Variants in CPNE1 observed in about 807,000 individuals in gnomAD.
The protein encoded by CPNE1 is copine 1.
A neutral mutation model predicts 63.2 loss-of-function variants in CPNE1; 58 were observed. The observed-to-expected ratio is 0.92, with a 90% CI of 0.74 to 1.14. CPNE1 has a LOEUF of 1.14. CPNE1 is among the 50% of genes most tolerant of loss of function. The pLI, the probability that CPNE1 is intolerant of heterozygous loss-of-function variation, is 0.00. For synonymous variants in CPNE1, 237 were observed against 249.0 expected (o/e 0.95, Z 0.45); for missense variants, 672 against 661.7 (o/e 1.02, Z -0.17).
intron 1 of CPNE1, among the ~76,000 whole-genome samples, chr20:35,640,579 ATGT>A (rs1454984177): frequency 1.3e-5 from 2 of 152,140 alleles, no homozygotes; most frequent in African/African-American, 4.8e-5. Flanking sequence ...CCTATCTGTT[ATGT>A]TGAAGTCACA....
intron 1 of CPNE1, chr20:35,658,800 AAAAC>A (rs1276234160): frequency 2.4e-4 from 117 of 481,406 alleles, no homozygotes; most frequent in Non-Finnish European, 3.4e-4. Context: ...CAAGCAAACA[AAAAC>A]ACACACACAC....
rs758020766 is a variant in CPNE1, at chr20:35,632,896, G to A, written c.28C>T (p.Leu10=). Residue 10 remains leucine (L), a synonymous_variant, in exon 2 of 16, where the codon CTG becomes TTG. Transcript: ENST00000397443. ...ATGAGATGGTCACAGGAAATGGACA[G>A]CTGAACCAAGGTCACGCAGTGGGCC... MAHCVTLVQ[L]SISCDHLIDK... 3.4e-6 allele frequency: 3 copies of A among 872,922 alleles called. No individual in the cohort carries two copies. The highest frequency in any genetic ancestry group is 1.7e-5 in the Admixed American group (1 of 59,186). The allele number at this position is 872,922 out of a possible 1,614,324, so 54.1% of individuals were successfully genotyped here.
At chr20:35,663,202 C>A (rs964471275) in intron 1 of CPNE1, among the ~76,000 whole-genome samples, 1 of 152,162 alleles carries the variant, frequency 6.6e-6, no homozygotes, top group African/African-American at 2.4e-5. Flanking sequence ...CCATTCTTAT[C>A]AAAACTGCCA....
At chr20:35,655,145 T>C in intron 1 of CPNE1, 1 of 1,614,224 alleles carries the variant, frequency 6.2e-7, no homozygotes. Context: ...GTACCACCTG[T>C]GCGCATCATA....
chr20:35,652,252 G>GCAAA (rs1417526410), intron 1 of CPNE1: 2 of 319,896 alleles, frequency 6.3e-6, no homozygotes, highest in Non-Finnish European at 1.2e-5. Flanking sequence ...TAAGCTTTAT[G>GCAAA]TGGTCATTTG....
intron 1 of CPNE1, among the ~76,000 whole-genome samples, chr20:35,657,572 A>G (rs1048634551): frequency 3.3e-5 from 5 of 152,212 alleles, no homozygotes; most frequent in African/African-American, 9.6e-5. Flanking sequence ...TACACAGTTA[A>G]GTCTTCAAGC....
chr20:35,626,481 A>C (rs536110762), intron 15 of CPNE1, 86 bp downstream of exon 15: 1 of 1,589,366 alleles, frequency 6.3e-7, no homozygotes, highest in East Asian at 2.2e-5. Context: ...TTAGAGGAAA[A>C]GGTGAGCATC....
At position 35,647,016 on chromosome 20, in the gene CPNE1, T is replaced by TA. The variant is rs199596637; in HGVS notation, c.1-14094dup. ...ATGCCCTAACCTTTAACATTTTAAT[T>TA]AAAAAAAAATAGGGCCGGGCATGGT... On this transcript the variant is annotated intron_variant, in intron 1 of 15. Transcript: ENST00000397443. 2.5e-3 allele frequency among the ~76,000 whole-genome samples: 380 copies of TA among 150,614 alleles called. 2 individuals are homozygous for TA. Among genetic ancestry groups the TA allele is most frequent in the African/African-American group, 8.2e-3 (338 of 41,076 alleles).
chr20:35,646,772 TTGAC>T (rs1362644882), intron 1 of CPNE1, among the ~76,000 whole-genome samples: 1 of 152,182 alleles, frequency 6.6e-6, no homozygotes, highest in Admixed American at 6.5e-5. Context: ...CTCAACACCT[TTGAC>T]TGTTCATACT....
At chr20:35,649,862 A>AT (rs2033382618) in intron 1 of CPNE1, 1 of 152,302 alleles carries the variant, frequency 6.6e-6, no homozygotes, top group Admixed American at 6.5e-5. Flanking sequence ...AAATTTACAC[A>AT]TAAAATTGAA....
intron 3 of CPNE1, 53 bp from the exon 4 acceptor site, chr20:35,632,438 G>C (rs1353790287): frequency 1.9e-6 from 3 of 1,605,514 alleles, no homozygotes; most frequent in Non-Finnish European, 2.6e-6. Context: ...GTTAGGTCCT[G>C]CTTGCCCCCT....
At position 35,654,860 on chromosome 20, in the gene CPNE1, C is replaced by T. The variant is rs146169701; in HGVS notation, c.-1+9900G>A. Reference sequence around the variant, plus strand: ...CCCATATTTGGAGGAGCTGTTCCTACGCTGGCTGTGGAAAATGTCTGTATG... The same window carrying T: ...CCCATATTTGGAGGAGCTGTTCCTATGCTGGCTGTGGAAAATGTCTGTATG... On this transcript the variant is annotated intron_variant, in intron 1 of 15. Transcript: ENST00000397443. 103 of 1,614,028 alleles carry T rather than the reference C, an allele frequency of 6.4e-5. No homozygotes were observed. The highest frequency in any genetic ancestry group is 7.9e-5 in the Non-Finnish European group (93 of 1,180,018).
chr20:35,635,904 C>T (rs1484140959), intron 1 of CPNE1, among the ~76,000 whole-genome samples: 2 of 152,174 alleles, frequency 1.3e-5, no homozygotes, highest in Admixed American at 6.5e-5. Flanking sequence ...CACCCTGGCC[C>T]CTGCATGAAC....
chr20:35,656,274 T>C (rs908495541), intron 1 of CPNE1, among the ~76,000 whole-genome samples: 6 of 152,128 alleles, frequency 3.9e-5, no homozygotes, highest in Non-Finnish European at 8.8e-5. Context: ...TACTCAGTGG[T>C]TGTTACAGTC....
chr20:35,664,385 C>A (rs1475736234), intron 1 of CPNE1: 1 of 152,258 alleles, frequency 6.6e-6, no homozygotes, highest in East Asian at 1.9e-4. Flanking sequence ...GTAGTTATAA[C>A]CTCTGCTTCA....
chr20:35,655,422 T>C, intron 1 of CPNE1: 2 of 1,256,994 alleles, frequency 1.6e-6, no homozygotes, highest in Non-Finnish European at 2.2e-6. Context: ...AATGACCAGC[T>C]ACCATATTAG....
At chr20:35,635,765 C>T (rs1210583005) in intron 1 of CPNE1, among the ~76,000 whole-genome samples, 1 of 152,202 alleles carries the variant, frequency 6.6e-6, no homozygotes, top group African/African-American at 2.4e-5. Context: ...TACTGATCCT[C>T]AGTCAATCGC....
chr20:35,664,356 C>T (rs939219660), intron 1 of CPNE1: 1 of 152,272 alleles, frequency 6.6e-6, no homozygotes, highest in African/African-American at 2.4e-5. Flanking sequence ...ATTATCTCCC[C>T]ACCTCCAGGC....
chr20:35,655,421 C>T, intron 1 of CPNE1: 1 of 1,266,428 alleles, frequency 7.9e-7, no homozygotes, highest in Non-Finnish European at 1.1e-6. Flanking sequence ...GAATGACCAG[C>T]TACCATATTA....
Sources: gnomAD v4.1 joint callset for allele counts (sites outside exome capture counted in the v4.1 genomes callset) on GRCh38, gnomAD v4.1.1 for gene constraint, MANE v1.5 for transcripts, NCBI Gene and HGNC (gene_info 2026-07-23, HGNC 2026-07-21) for gene names.